Variants in CA5A observed in about 807,000 individuals in gnomAD.
CA5A encodes the protein carbonic anhydrase 5A, mitochondrial.
In CA5A, 28 loss-of-function variants were observed where a neutral mutation model predicts 37.1. That is an observed-to-expected ratio of 0.75 (90% CI 0.56 to 1.03). The LOEUF is 1.03. Ranked by LOEUF, CA5A falls within the 50% of genes least tolerant of loss-of-function variation. The pLI is 0.00. For missense variants in CA5A, 444 were observed against 399.9 expected, an observed-to-expected ratio of 1.11 and a Z score of -0.94; for synonymous variants, 171 against 158.4, an observed-to-expected ratio of 1.08 and a Z score of -0.60.
chr16:87,927,041 C>T (rs1484277031), intron 1 of CA5A, 96 bp from the exon 2 acceptor site: 17 of 854,870 alleles, frequency 2.0e-5, no homozygotes, highest in South Asian at 6.6e-5. Flanking sequence ...AGACCCCTCA[C>T]GTCCTGGCTC....
At chr16:87,927,019 C>T (rs2056323104) in intron 1 of CA5A, 74 bp from the exon 2 acceptor site, 2 of 1,064,108 alleles carry the variant, frequency 1.9e-6, no homozygotes, top group South Asian at 1.4e-5. Context: ...AGGGCAGAAA[C>T]CCGGCCGCAC....
rs559752853 is a variant in CA5A, at chr16:87,911,589, G to T, written c.341-6685C>A. ...GGTGCCACTCTGGGAGGTAGTGCACGTTCCCAAGCTGTAAAGGGTGACACG... is the reference window on the plus strand; with the variant it reads ...GGTGCCACTCTGGGAGGTAGTGCACTTTCCCAAGCTGTAAAGGGTGACACG... On this transcript the variant is annotated intron_variant, in intron 2 of 6. Transcript: ENST00000649794. This position sits in a 1 kb window ranked among gnomAD's most constrained non-coding sequence, Gnocchi z 4.6. 6.6e-6 allele frequency among the ~76,000 whole-genome samples: 1 copy of T among 150,676 alleles called. No individual in the cohort carries two copies. The highest frequency in any genetic ancestry group is 1.5e-5 in the Non-Finnish European group (1 of 67,454).
chr16:87,890,421 C>T (rs1480397017), intron 6 of CA5A, among the ~76,000 whole-genome samples: 1 of 152,136 alleles, frequency 6.6e-6, no homozygotes, highest in Admixed American at 6.5e-5. Flanking sequence ...GAAAGACCCT[C>T]TAAGAGCTCA....
intron 4 of CA5A, chr16:87,881,989 G>GT (rs2055611615): frequency 6.6e-6 from 1 of 152,244 alleles, no homozygotes; most frequent in African/African-American, 2.4e-5. Flanking sequence ...GCTTCTCTTG[G>GT]TGTCTTGTTG....
At chr16:87,934,699 C>T (rs2056448149) in intron 1 of CA5A, among the ~76,000 whole-genome samples, 1 of 152,220 alleles carries the variant, frequency 6.6e-6, no homozygotes, top group Admixed American at 6.5e-5. Flanking sequence ...GTGGCTCACG[C>T]CTGTAATCCC....
chr16:87,910,996 G>A (rs542045286), intron 2 of CA5A, among the ~76,000 whole-genome samples: 46 of 150,632 alleles, frequency 3.1e-4, no homozygotes, highest in African/African-American at 1.1e-3. Context: ...GGGATCTGCC[G>A]CCTCAGCCTC....
At chr16:87,927,908 T>G (rs1352210733) in intron 1 of CA5A, among the ~76,000 whole-genome samples, 1 of 151,174 alleles carries the variant, frequency 6.6e-6, no homozygotes, top group Non-Finnish European at 1.5e-5. Context: ...GAAGCAGCTG[T>G]CCCATGATTG....
At chr16:87,921,875 A>T (rs4076656) in intron 2 of CA5A, among the ~76,000 whole-genome samples, 44,896 of 145,888 alleles carry the variant, frequency 0.31, 7,145 homozygotes, top group South Asian at 0.54. Flanking sequence ...TATTATTATT[A>T]TTATTTTTGA....
At chr16:87,897,916 T>C (rs1346422308) in intron 5 of CA5A, among the ~76,000 whole-genome samples, 7 of 152,160 alleles carry the variant, frequency 4.6e-5, no homozygotes, top group African/African-American at 1.7e-4. Flanking sequence ...TAGGGTGATG[T>C]CCCCTTGCCC....
chr16:87,933,819 A>G (rs774084160), intron 1 of CA5A, among the ~76,000 whole-genome samples: 12 of 152,190 alleles, frequency 7.9e-5, no homozygotes, highest in Non-Finnish European at 1.5e-4. Flanking sequence ...CCATAAATAA[A>G]ACACCGACAT....
intron 2 of CA5A, among the ~76,000 whole-genome samples, chr16:87,917,704 AACACACACATGAACACGTGC>A (rs6145930): frequency 0.36 from 53,015 of 146,184 alleles, 11,115 homozygotes; most frequent in Non-Finnish European, 0.46. Context: ...CCCGCACACG[AACACACACATGAACACGTGC>A]ACACACACAT....
chr16:87,913,829 C>G (rs890475228), intron 2 of CA5A, among the ~76,000 whole-genome samples: 2 of 152,180 alleles, frequency 1.3e-5, no homozygotes, highest in African/African-American at 4.8e-5. Flanking sequence ...GCTGAGTAGA[C>G]CATCCTTGTC....
downstream of CA5A, chr16:87,885,203 A>C (rs1233759676): frequency 1.2e-5 from 2 of 171,864 alleles, no homozygotes; most frequent in African/African-American, 4.8e-5. Flanking sequence ...CAACAACAAC[A>C]ACAAAAAAAA....
chr16:87,905,144 G>A (rs1386956531), intron 2 of CA5A, among the ~76,000 whole-genome samples: 2 of 152,076 alleles, frequency 1.3e-5, no homozygotes, highest in Non-Finnish European at 2.9e-5. Context: ...AATGAAGGCA[G>A]GGTCCCAGTG....
At chr16:87,889,863 C>T (rs1269414157) in intron 6 of CA5A, among the ~76,000 whole-genome samples, 2 of 152,260 alleles carry the variant, frequency 1.3e-5, no homozygotes, top group Non-Finnish European at 2.9e-5. Context: ...TGTGAGGCAA[C>T]TCACGCATTT....
intron 1 of CA5A, among the ~76,000 whole-genome samples, chr16:87,932,658 G>T (rs1354048674): frequency 6.6e-6 from 1 of 151,954 alleles, no homozygotes; most frequent in Non-Finnish European, 1.5e-5. Flanking sequence ...TATGGGTCAA[G>T]CCCTGGCCCA....
intron 5 of CA5A, among the ~76,000 whole-genome samples, chr16:87,899,451 C>A (rs12921873): frequency 6.7e-6 from 1 of 150,346 alleles, no homozygotes; most frequent in African/African-American, 2.4e-5. Flanking sequence ...TACAGGCACC[C>A]GCCACCACGC....
downstream of CA5A, chr16:87,887,395 C>G (rs1291971925): frequency 6.6e-6 from 1 of 152,070 alleles, no homozygotes; most frequent in Non-Finnish European, 1.5e-5. Flanking sequence ...AGGCGTGAAC[C>G]ACGGTGCCTG....
chr16:87,928,853 G>A (rs1302417497), intron 1 of CA5A, among the ~76,000 whole-genome samples: 2 of 139,104 alleles, frequency 1.4e-5, no homozygotes, highest in African/African-American at 2.7e-5. Flanking sequence ...ACTGCACCCT[G>A]TGCCTCCCAG....
Sources: allele counts gnomAD v4.1 joint callset (sites outside exome capture counted in the v4.1 genomes callset), GRCh38; gene constraint gnomAD v4.1.1; non-coding constraint Gnocchi (gnomAD v3.1); transcripts MANE v1.5; gene names NCBI Gene and HGNC (gene_info 2026-07-23, HGNC 2026-07-21).